The following MTRF1 variants were observed in gnomAD, a reference collection of about 807,000 sequenced individuals.
MTRF1 encodes peptide chain release factor 1, mitochondrial.
Under a neutral mutation model 62.9 loss-of-function variants are expected in MTRF1, and 51 were observed. That is an observed-to-expected ratio of 0.81 (90% confidence interval 0.65 to 1.02). The LOEUF (loss-of-function observed/expected upper bound fraction) is 1.02, where lower values mean the gene tolerates loss of function less well. Among genes scored for constraint, MTRF1 ranks in the 50% least tolerant of loss-of-function variants. MTRF1 has a pLI of 0.00. For synonymous variants in MTRF1, 158 were observed against 181.9 expected (o/e 0.87, Z 1.06); for missense variants, 446 against 530.0 (o/e 0.84, Z 1.56).
intron 8 of MTRF1, 58 bp downstream of exon 8, chr13:41,226,374 T>A (rs2034432178): frequency 6.5e-7 from 1 of 1,537,498 alleles, no homozygotes; most frequent in African/African-American, 1.4e-5. Flanking sequence ...CTGCATTCTC[T>A]ACAGAAAATG....
the MTRF1 span, among the ~76,000 whole-genome samples, chr13:41,271,101 G>A: frequency 6.7e-6 from 1 of 148,712 alleles, no homozygotes; most frequent in East Asian, 1.9e-4. Context: ...ACCCCATATA[G>A]CTTTTACTTC....
At chr13:41,270,923 G>C in the MTRF1 span, among the ~76,000 whole-genome samples, 4 of 152,016 alleles carry the variant, frequency 2.6e-5, no homozygotes, top group African/African-American at 9.6e-5. Context: ...ATTTTTAGTA[G>C]AGATGGGGTT....
intron 5 of MTRF1, among the ~76,000 whole-genome samples, chr13:41,244,502 C>A (rs967784787): frequency 6.6e-6 from 1 of 152,202 alleles, no homozygotes; most frequent in Non-Finnish European, 1.5e-5. Context: ...CAGGCAGCCT[C>A]AAGGGTGGCC....
At chr13:41,282,883 C>T in the MTRF1 span, among the ~76,000 whole-genome samples, 1 of 152,210 alleles carries the variant, frequency 6.6e-6, no homozygotes, top group East Asian at 1.9e-4. Context: ...GCCCTCCTGC[C>T]TGACTGTGTG....
At chr13:41,252,072 G>T (rs1478863748) in intron 5 of MTRF1, among the ~76,000 whole-genome samples, 1 of 152,076 alleles carries the variant, frequency 6.6e-6, no homozygotes, top group Non-Finnish European at 1.5e-5. Context: ...TACAGTCAGG[G>T]TTTTGCCATG....
chr13:41,219,118 C>T (rs1376192985), intron 9 of MTRF1, among the ~76,000 whole-genome samples: 12 of 24,362 alleles, frequency 4.9e-4, no homozygotes, highest in Admixed American at 1.5e-3. Context: ...TGGTGAAACC[C>T]CGTCTCTACT....
intron 6 of MTRF1, among the ~76,000 whole-genome samples, chr13:41,238,157 G>C (rs1175060390): frequency 2.6e-5 from 4 of 152,156 alleles, no homozygotes; most frequent in African/African-American, 9.7e-5. Flanking sequence ...TCTAGATCTT[G>C]ATTTCTGGAT....
At chr13:41,287,747 C>A in the MTRF1 span, 1 of 190,296 alleles carries the variant, frequency 5.3e-6, no homozygotes. Context: ...ACATTTACAA[C>A]AGCAGGCATT....
At chr13:41,246,834 G>C (rs73179132) in intron 5 of MTRF1, among the ~76,000 whole-genome samples, 19 of 152,148 alleles carry the variant, frequency 1.2e-4, no homozygotes, top group Middle Eastern at 3.2e-3. Flanking sequence ...AGAGAAGACT[G>C]TGACTTATTT....
At chr13:41,260,954 C>CAAA in intron 1 of MTRF1, 39 bp from the exon 2 acceptor site, 1 of 1,134,660 alleles carries the variant, frequency 8.8e-7, no homozygotes, top group Non-Finnish European at 1.2e-6. Flanking sequence ...AAAAAATCAT[C>CAAA]TCTAAAGATA....
At chr13:41,273,892 C>T in the MTRF1 span, among the ~76,000 whole-genome samples, 1,078 of 150,872 alleles carry the variant, frequency 7.1e-3, 15 homozygotes, top group African/African-American at 0.015. Context: ...TAAGGTGGGG[C>T]GACTCAAAGC....
chr13:41,276,479 C>T, the MTRF1 span, among the ~76,000 whole-genome samples: 7,916 of 152,188 alleles, frequency 0.052, 274 homozygotes, highest in Non-Finnish European at 0.073. Flanking sequence ...GCCAAATCAG[C>T]TCTTATTAAA....
the MTRF1 span, among the ~76,000 whole-genome samples, chr13:41,278,499 C>A: frequency 3.3e-5 from 5 of 152,182 alleles, no homozygotes; most frequent in African/African-American, 1.2e-4. Context: ...TCATTTACGG[C>A]CTATGCTCTA....
the MTRF1 span, among the ~76,000 whole-genome samples, chr13:41,287,439 A>G: frequency 6.6e-6 from 1 of 152,242 alleles, no homozygotes; most frequent in Non-Finnish European, 1.5e-5. Flanking sequence ...CATGATCCAC[A>G]CTGGAGACTA....
At chr13:41,291,189 T>C in the MTRF1 span, among the ~76,000 whole-genome samples, 12,486 of 152,102 alleles carry the variant, frequency 0.082, 718 homozygotes, top group East Asian at 0.23. Flanking sequence ...TTCTTTTCCT[T>C]TTCTTTGAGA....
At chr13:41,295,200 TG>T in the MTRF1 span, among the ~76,000 whole-genome samples, 11 of 152,334 alleles carry the variant, frequency 7.2e-5, no homozygotes, top group Non-Finnish European at 1.3e-4. Flanking sequence ...ACTGATGTTG[TG>T]GCCTGACACT....
chr13:41,290,331 C>A, the MTRF1 span, among the ~76,000 whole-genome samples: 4 of 151,530 alleles, frequency 2.6e-5, no homozygotes, highest in East Asian at 5.8e-4. Context: ...GAACTCCTGA[C>A]CTCGTGATCT....
chr13:41,291,028 G>A, the MTRF1 span, among the ~76,000 whole-genome samples: 8 of 151,428 alleles, frequency 5.3e-5, no homozygotes, highest in Admixed American at 2.0e-4. Flanking sequence ...CGTGGGAGGC[G>A]GAGGTTGCAG....
the MTRF1 span, among the ~76,000 whole-genome samples, chr13:41,301,344 G>A: frequency 4.6e-5 from 7 of 152,142 alleles, no homozygotes; most frequent in Admixed American, 1.3e-4. Context: ...TAGCCTGGGG[G>A]AATCGCAGAA....
Sources: allele counts gnomAD v4.1 joint callset (sites outside exome capture counted in the v4.1 genomes callset), GRCh38; gene constraint gnomAD v4.1.1; transcripts MANE v1.5; gene names NCBI Gene and HGNC (gene_info 2026-07-23, HGNC 2026-07-21).